UBE2V2: variants seen among roughly 807,000 people sequenced by gnomAD.
UBE2V2 encodes ubiquitin-conjugating enzyme E2 variant 2.
A neutral mutation model predicts 17.2 loss-of-function variants in UBE2V2; 9 were observed. The ratio of observed to expected loss-of-function variants is 0.52; its 90% CI spans 0.32 to 0.91. UBE2V2 has a LOEUF of 0.91. UBE2V2 is among the 40% of genes least tolerant of loss of function. The probability of loss-of-function intolerance (pLI) is 0.04; values close to 1 mark genes in which losing one functional copy is unlikely to be tolerated. For missense variants in UBE2V2, 133 were observed against 182.6 expected (o/e 0.73, Z 1.56); for synonymous variants, 61 against 57.5 (o/e 1.06, Z -0.28).
At chr8:48,017,497 C>T (rs546952034) in intron 1 of UBE2V2, among the ~76,000 whole-genome samples, 1 of 151,928 alleles carries the variant, frequency 6.6e-6, no homozygotes, top group African/African-American at 2.4e-5. Flanking sequence ...CTTCAGCCTC[C>T]TAAGTAGCTG....
chr8:48,023,168 A>G (rs2091317090), intron 1 of UBE2V2, among the ~76,000 whole-genome samples: 2 of 151,612 alleles, frequency 1.3e-5, no homozygotes, highest in East Asian at 1.9e-4. Context: ...CCATATACTT[A>G]TAACTTTCTC....
intron 1 of UBE2V2, among the ~76,000 whole-genome samples, chr8:48,030,824 C>A (rs759429080): frequency 5.3e-5 from 8 of 152,176 alleles, no homozygotes; most frequent in Middle Eastern, 3.4e-3. Flanking sequence ...GAGTTTGAGA[C>A]CAGCTTGGCC....
chr8:48,063,753 T>C lies in UBE2V2; in HGVS notation c.*2925T>C. ...TCTTGGATATAAAAATAGAGAAAAT[T>C]TATAGCTTTATGTTATTAAAATAAT... On this transcript the variant is annotated 3_prime_UTR_variant, in exon 4 of 4. Coordinates refer to ENST00000523111, the MANE Select transcript of UBE2V2 (RefSeq NM_003350.3). 6.6e-6 allele frequency: 1 copy of C among 152,280 alleles called. No individual in the cohort carries two copies. Among genetic ancestry groups the C allele is most frequent in the Non-Finnish European group, 1.5e-5 (1 of 68,016 alleles). The allele number at this position is 152,280 out of a possible 1,614,324, so 9.4% of individuals were successfully genotyped here.
Position 48,049,976 on chromosome 8 carries a change from A to G in UBE2V2, c.289A>G (p.Met97Val), listed in dbSNP as rs751589741. 5.4e-5 allele frequency: 83 copies of G among 1,538,508 alleles called. No homozygotes were observed. Among genetic ancestry groups the G allele is most frequent in the Non-Finnish European group, 7.0e-5 (80 of 1,143,328 alleles). Residue 97 changes from methionine to valine, a missense_variant and splice_region_variant, in exon 3 of 4, where the codon ATG becomes GTG. Physicochemically the swap from Met to Val is conservative, Grantham distance 21 (BLOSUM62 1). Coordinates refer to ENST00000523111, the MANE Select transcript of UBE2V2 (RefSeq NM_003350.3). ...NMNGINNSSG[M>V]VDARSIPVLA... The stretch of plus-strand genomic sequence containing the variant: ...GAACGGAATAAATAATTCCAGTGGG[A>G]TGGTAAGTTAATATAGTCATTTTGG...
chr8:47,998,291 C>T, the UBE2V2 span, among the ~76,000 whole-genome samples: 1 of 151,934 alleles, frequency 6.6e-6, no homozygotes, highest in Non-Finnish European at 1.5e-5. Context: ...GACTGAAAGG[C>T]TCCTATTATG....
chr8:48,037,244 T>C (rs1420545918), intron 1 of UBE2V2, among the ~76,000 whole-genome samples: 1 of 152,252 alleles, frequency 6.6e-6, no homozygotes, highest in South Asian at 2.1e-4. Context: ...CAGGGATTGG[T>C]TGTTTCTTTT....
In UBE2V2 at chr8:48,046,226, TCTC is replaced by T. The variant is rs2091498021; in HGVS notation, c.165+3048_165+3050del. Among the ~76,000 whole-genome samples, 7 of 152,192 alleles carry T rather than the reference TCTC, an allele frequency of 4.6e-5. No homozygotes were observed. The South Asian group carries it at 1.5e-3, about 32-fold the overall frequency. On this transcript the variant is annotated intron_variant, in intron 2 of 3. Transcript: ENST00000523111. ...GCTCTGCCTCCCGCGTTCATACCAT[TCTC>T]CTGCCTTAGCCTCCCGAGTAGTGGG... is the stretch of plus-strand genomic sequence containing the variant.
upstream of UBE2V2, among the ~76,000 whole-genome samples, chr8:48,006,166 A>C (rs2091181737): frequency 6.6e-6 from 1 of 152,192 alleles, no homozygotes. Flanking sequence ...TTAAGTCTTT[A>C]ATCCATCTTG....
intron 1 of UBE2V2, among the ~76,000 whole-genome samples, chr8:48,021,111 CTT>C (rs1254321522): frequency 1.4e-5 from 2 of 144,040 alleles, no homozygotes; most frequent in African/African-American, 5.1e-5. Context: ...GATTTTCACT[CTT>C]GTTTCCCAGG....
Position 48,063,514 on chromosome 8 carries a change from C to CAT in UBE2V2, c.*2690_*2691dup, listed in dbSNP as rs1802624069. 2 of 152,138 alleles carry CAT rather than the reference C, an allele frequency of 1.3e-5. No individual in the cohort carries two copies. The highest frequency in any genetic ancestry group is 1.3e-4 in the Admixed American group (2 of 15,268). The allele number at this position is 152,138 out of a possible 1,614,324, so 9.4% of individuals were successfully genotyped here. On this transcript the variant is annotated 3_prime_UTR_variant, in exon 4 of 4. Transcript: ENST00000523111. Reference sequence around the variant, plus strand: ...AGCAAGTGAGACCCTTGAGGATGATCATATACTAATAAAGATTACCAAAAG... The same window carrying CAT: ...AGCAAGTGAGACCCTTGAGGATGATCATATATACTAATAAAGATTACCAAAAG...
upstream of UBE2V2, among the ~76,000 whole-genome samples, chr8:48,006,929 G>A (rs1283085944): frequency 1.3e-5 from 2 of 151,968 alleles, no homozygotes; most frequent in African/African-American, 4.8e-5. Flanking sequence ...AGGCTGGGGT[G>A]GAGTGCAGTG....
intron 3 of UBE2V2, 80 bp downstream of exon 3, chr8:48,050,058 T>C (rs1442524385): frequency 9.8e-7 from 1 of 1,018,550 alleles, no homozygotes; most frequent in Admixed American, 3.1e-5. Flanking sequence ...CCATAATATA[T>C]GTAAGATATT....
rs377715776 is a variant in UBE2V2, at chr8:48,060,731, G to A, written c.341G>A (p.Ser114Asn). 1.3e-6 allele frequency: 2 copies of A among 1,561,242 alleles called. No homozygotes were observed. The highest frequency in any genetic ancestry group is 1.7e-6 in the Non-Finnish European group (2 of 1,156,220). The change falls in exon 4 of 4, where the codon AGC (serine) becomes AAC (asparagine). Residue 114 changes from serine to asparagine, a missense_variant. Physicochemically the swap from Ser to Asn is conservative, Grantham distance 46 (BLOSUM62 1). Transcript: ENST00000523111. ...TTAGCAAAATGGCAAAATTCATATA[G>A]CATTAAAGTTGTACTTCAAGAGCTA... ...PVLAKWQNSYSIKVVLQELRR... is the reference protein window; with the variant it reads ...PVLAKWQNSYNIKVVLQELRR...
At chr8:48,002,107 C>T in the UBE2V2 span, among the ~76,000 whole-genome samples, 1 of 151,680 alleles carries the variant, frequency 6.6e-6, no homozygotes, top group Non-Finnish European at 1.5e-5. Context: ...AAAAGGGCAA[C>T]AGATCCAAAA....
chr8:48,024,511 C>CT (rs1165199139), intron 1 of UBE2V2, among the ~76,000 whole-genome samples: 1 of 151,876 alleles, frequency 6.6e-6, no homozygotes, highest in Non-Finnish European at 1.5e-5. Context: ...AGGAGAATCG[C>CT]TTGAACCTGG....
chr8:48,053,885 A>G (rs1196596766), intron 3 of UBE2V2, among the ~76,000 whole-genome samples: 1 of 149,294 alleles, frequency 6.7e-6, no homozygotes, highest in African/African-American at 2.5e-5. Context: ...GCTCACTGCA[A>G]CCTCTTCCTC....
chr8:48,053,704 G>A (rs1030750242), intron 3 of UBE2V2, among the ~76,000 whole-genome samples: 3 of 151,410 alleles, frequency 2.0e-5, no homozygotes, highest in African/African-American at 7.3e-5. Context: ...GAGATTACAG[G>A]CGTGAGCCAC....
intron 1 of UBE2V2, among the ~76,000 whole-genome samples, chr8:48,018,853 AATT>A (rs1469720331): frequency 6.6e-6 from 1 of 152,178 alleles, no homozygotes; most frequent in East Asian, 1.9e-4. Context: ...ATATATTTAC[AATT>A]ATTCTCTTGC....
chr8:48,041,269 A>G (rs1168725033), intron 1 of UBE2V2, among the ~76,000 whole-genome samples: 1 of 150,932 alleles, frequency 6.6e-6, no homozygotes, highest in Non-Finnish European at 1.5e-5. Flanking sequence ...CCTCTGGAAC[A>G]TTAAATGTTC....
Sources: gnomAD v4.1 joint callset for allele counts (sites outside exome capture counted in the v4.1 genomes callset) on GRCh38, gnomAD v4.1.1 for gene constraint, MANE v1.5 for transcripts, NCBI Gene and HGNC (gene_info 2026-07-23, HGNC 2026-07-21) for gene names.